The following KCNK13 variants were observed in gnomAD, a reference collection of about 807,000 sequenced individuals.
KCNK13 encodes the protein potassium two pore domain channel subfamily K member 13.
In KCNK13, 12 loss-of-function variants were observed where a neutral mutation model predicts 23.4. That is an observed-to-expected ratio of 0.51 (90% CI 0.33 to 0.83). KCNK13 has a LOEUF of 0.83. Among genes scored for constraint, KCNK13 ranks in the 40% least tolerant of loss-of-function variants. The pLI is 0.02. For missense variants in KCNK13, 463 were observed against 556.3 expected, an observed-to-expected ratio of 0.83 and a Z score of 1.69; for synonymous variants, 231 against 229.5, an observed-to-expected ratio of 1.01 and a Z score of -0.06.
intron 1 of KCNK13, among the ~76,000 whole-genome samples, chr14:90,098,463 G>A (rs773036275): frequency 6.6e-6 from 1 of 152,056 alleles, no homozygotes; most frequent in African/African-American, 2.4e-5. Flanking sequence ...CCCCATCTAC[G>A]GCTGGGCATA....
chr14:90,141,584 A>T (rs1890005705), intron 1 of KCNK13, among the ~76,000 whole-genome samples: 1 of 151,964 alleles, frequency 6.6e-6, no homozygotes, highest in East Asian at 1.9e-4. Context: ...CAGCCTCCCG[A>T]GTAGCTGGGA....
chr14:90,160,397 T>C (rs1373049959), intron 1 of KCNK13, among the ~76,000 whole-genome samples: 1 of 152,162 alleles, frequency 6.6e-6, no homozygotes. Context: ...ATCTGGTGTG[T>C]GCTGAGCTCA....
At chr14:90,148,962 GA>G (rs1890104429) in intron 1 of KCNK13, among the ~76,000 whole-genome samples, 1 of 152,214 alleles carries the variant, frequency 6.6e-6, no homozygotes. Context: ...GTGCCTCCCT[GA>G]AAGATGAATG....
chr14:90,076,533 C>T (rs1477605385), intron 1 of KCNK13, among the ~76,000 whole-genome samples: 2 of 152,142 alleles, frequency 1.3e-5, no homozygotes, highest in Non-Finnish European at 2.9e-5. Flanking sequence ...CCCATCTGTA[C>T]GTGAGCTCAA....
chr14:90,170,736 A>G (rs1320132883), intron 1 of KCNK13, among the ~76,000 whole-genome samples: 5 of 152,174 alleles, frequency 3.3e-5, no homozygotes, highest in African/African-American at 1.2e-4. Flanking sequence ...AGATGACGTA[A>G]ACAAATGGGG....
chr14:90,087,582 T>C (rs1056020659), intron 1 of KCNK13, among the ~76,000 whole-genome samples: 4 of 152,246 alleles, frequency 2.6e-5, no homozygotes, highest in African/African-American at 7.2e-5. Context: ...CATCCACTTG[T>C]AGTTGTTTGA....
At chr14:90,104,668 T>TA (rs1169951446) in intron 1 of KCNK13, among the ~76,000 whole-genome samples, 2 of 151,308 alleles carry the variant, frequency 1.3e-5, no homozygotes, top group Non-Finnish European at 2.9e-5. Flanking sequence ...ATGGTCAGAT[T>TA]AAGCCCAAGG....
intron 1 of KCNK13, among the ~76,000 whole-genome samples, chr14:90,139,545 A>G (rs1360152518): frequency 6.6e-6 from 1 of 152,144 alleles, no homozygotes; most frequent in Non-Finnish European, 1.5e-5. Context: ...GAAGGATTCT[A>G]AGCAAGGGAG....
At chr14:90,180,477 A>G (rs1300915578) in intron 1 of KCNK13, among the ~76,000 whole-genome samples, 3 of 152,134 alleles carry the variant, frequency 2.0e-5, no homozygotes, top group African/African-American at 2.4e-5. Flanking sequence ...CACACCTCCA[A>G]CTGCAGACAT....
At chr14:90,158,908 G>T (rs980923932) in intron 1 of KCNK13, among the ~76,000 whole-genome samples, 3 of 152,194 alleles carry the variant, frequency 2.0e-5, no homozygotes. Context: ...GGAGTCTGTG[G>T]GTCCCCAGTT....
At chr14:90,085,687 TTATG>T (rs914532905) in intron 1 of KCNK13, among the ~76,000 whole-genome samples, 11 of 142,284 alleles carry the variant, frequency 7.7e-5, no homozygotes, top group Non-Finnish European at 1.2e-4. Context: ...TATATTTTAT[TTATG>T]TATATAAATT....
chr14:90,180,173 G>GT (rs1421918640), intron 1 of KCNK13, among the ~76,000 whole-genome samples: 3 of 152,154 alleles, frequency 2.0e-5, no homozygotes, highest in Non-Finnish European at 4.4e-5. Flanking sequence ...AGCTTCTGTA[G>GT]TTTTTTTCTC....
chr14:90,096,261 TC>T lies in KCNK13; in HGVS notation c.334+33725del, dbSNP rs894810418. ...GGAGGTTGCGGTGTGGGGCTTTAAG[TC>T]CCAACTCTCTAATCATGCCTTGGTC... On this transcript the variant is annotated intron_variant, in intron 1 of 1. Coordinates refer to ENST00000282146, the MANE Select transcript of KCNK13 (RefSeq NM_022054.4). Among the ~76,000 whole-genome samples the T allele has an allele frequency of 3.7e-3, 567 of 152,292 alleles. 5 individuals carry two copies. Among genetic ancestry groups the T allele is most frequent in the African/African-American group, 0.013 (533 of 41,566 alleles).
intron 1 of KCNK13, among the ~76,000 whole-genome samples, chr14:90,068,169 G>A (rs1889030334): frequency 6.6e-6 from 1 of 152,016 alleles, no homozygotes; most frequent in Non-Finnish European, 1.5e-5. Flanking sequence ...AGTAGCACAG[G>A]TCCCCTCCAC....
intron 1 of KCNK13, among the ~76,000 whole-genome samples, chr14:90,106,761 C>T (rs1889548158): frequency 1.3e-5 from 2 of 152,062 alleles, no homozygotes; most frequent in South Asian, 2.1e-4. Context: ...GTGGCTCATA[C>T]CTGTAATCCC....
Position 90,141,798 on chromosome 14 carries a change from G to GC in KCNK13, c.335-42313_335-42312insC, listed in dbSNP as rs1002693567. On this transcript the variant is annotated intron_variant, in intron 1 of 1. Coordinates refer to ENST00000282146, the MANE Select transcript of KCNK13 (RefSeq NM_022054.4). The stretch of plus-strand genomic sequence containing the variant: ...TTTTTGTTTTGTTTTGTTTTTTGGG[G>GC]GGGGGGACGGAGCCTTGCTCTGTCA... Among the ~76,000 whole-genome samples the GC allele has an allele frequency of 2.8e-5, 4 of 144,374 alleles. 1 individual carries two copies. Among genetic ancestry groups the GC allele is most frequent in the Non-Finnish European group, 6.2e-5 (4 of 64,798 alleles). The allele number at this position is 144,374 out of a possible 152,430, so 94.7% of individuals were successfully genotyped here.
At chr14:90,128,857 G>T (rs1326456021) in intron 1 of KCNK13, among the ~76,000 whole-genome samples, 1 of 152,066 alleles carries the variant, frequency 6.6e-6, no homozygotes, top group Non-Finnish European at 1.5e-5. Flanking sequence ...TAAATGTAAG[G>T]CATGCATCCT....
At chr14:90,122,948 G>A (rs1367182058) in intron 1 of KCNK13, among the ~76,000 whole-genome samples, 1 of 152,188 alleles carries the variant, frequency 6.6e-6, no homozygotes, top group Non-Finnish European at 1.5e-5. Context: ...CTCTCATGGA[G>A]TGGCATTTTT....
chr14:90,138,048 T>C (rs3850398), intron 1 of KCNK13, among the ~76,000 whole-genome samples: 152,003 of 152,292 alleles, frequency 1, 75,859 homozygotes, highest in Middle Eastern at 1. Flanking sequence ...CCCTGCTTAT[T>C]AGTACCCATA....
Sources: allele counts gnomAD v4.1 joint callset (sites outside exome capture counted in the v4.1 genomes callset), GRCh38; gene constraint gnomAD v4.1.1; transcripts MANE v1.5; gene names NCBI Gene and HGNC (gene_info 2026-07-23, HGNC 2026-07-21).